BTD: variants seen among roughly 807,000 people sequenced by gnomAD.
BTD encodes the protein biocytinase.
BTD carries 13 observed loss-of-function variants against 17.7 expected under a neutral mutation model. The ratio of observed to expected loss-of-function variants is 0.74; its 90% CI spans 0.48 to 1.17. The LOEUF is 1.17. BTD is among the 50% of genes most tolerant of loss of function. The pLI is 0.00. For synonymous variants in BTD, 240 were observed against 245.2 expected (o/e 0.98, Z 0.20); for missense variants, 674 against 650.4 (o/e 1.04, Z -0.39).
At chr3:15,678,615 T>G (rs7612295) in intron 3 of BTD, among the ~76,000 whole-genome samples, 26,629 of 152,126 alleles carry the variant, frequency 0.18, 3,567 homozygotes, top group East Asian at 0.56. Flanking sequence ...AAAATAACAT[T>G]ACATCATTAA....
upstream of BTD, chr3:15,601,544 C>G: frequency 3.1e-6 from 5 of 1,605,136 alleles, no homozygotes; most frequent in Non-Finnish European, 4.2e-6. Flanking sequence ...AAATCGGCAG[C>G]ACGCCACCTC....
intron 3 of BTD, chr3:15,642,345 C>G (rs1288557481): frequency 8.9e-7 from 1 of 1,117,712 alleles, no homozygotes; most frequent in African/African-American, 1.6e-5. Context: ...TTCATCTTCA[C>G]CACAGCCTGC....
At chr3:15,618,716 G>A (rs758681458) in intron 1 of BTD, among the ~76,000 whole-genome samples, 11 of 152,164 alleles carry the variant, frequency 7.2e-5, no homozygotes, top group Middle Eastern at 3.4e-3. Context: ...TCATAGAGAT[G>A]GGGTTTCACC....
chr3:15,712,014 A>G, exon 4 of BTD: 1 of 742,994 alleles, frequency 1.3e-6, no homozygotes, highest in South Asian at 1.8e-5. Flanking sequence ...ACACGTTCTA[A>G]AAGGGGTTAT....
rs1202684298 is a variant in BTD at position 15,648,851 on chromosome 3, G to C, written c.*3363G>C. Reference sequence around the variant, plus strand: ...AGAGGAGAAGACACACACACAGGGAGAAGATGACCATGTGACAACAGGGGC... The same window carrying C: ...AGAGGAGAAGACACACACACAGGGACAAGATGACCATGTGACAACAGGGGC... On this transcript the variant is annotated 3_prime_UTR_variant, in exon 4 of 4. Coordinates refer to ENST00000643237, the MANE Select transcript of BTD (RefSeq NM_001370658.1). Among the ~76,000 whole-genome samples, 2 of 151,236 alleles carry C rather than the reference G, an allele frequency of 1.3e-5. No homozygotes were observed. Among genetic ancestry groups the C allele is most frequent in the East Asian group, 2.0e-4 (1 of 5,060 alleles).
At chr3:15,612,522 T>A (rs1045755622) in intron 1 of BTD, among the ~76,000 whole-genome samples, 8 of 152,206 alleles carry the variant, frequency 5.3e-5, no homozygotes, top group African/African-American at 1.9e-4. Flanking sequence ...TTTATTTAGC[T>A]TCCCAAATGA....
chr3:15,619,893 T>C, intron 1 of BTD, among the ~76,000 whole-genome samples: 1 of 152,134 alleles, frequency 6.6e-6, no homozygotes, highest in Non-Finnish European at 1.5e-5. Context: ...GACCAGCAAG[T>C]TTTTATTAAG....
intron 3 of BTD, among the ~76,000 whole-genome samples, chr3:15,690,657 TG>T (rs1305350619): frequency 6.6e-6 from 1 of 152,176 alleles, no homozygotes; most frequent in Non-Finnish European, 1.5e-5. Context: ...CTTGACCTTC[TG>T]GGCTTAAGTG....
chr3:15,629,994 T>C, intron 1 of BTD: 2 of 977,020 alleles, frequency 2.0e-6, no homozygotes, highest in South Asian at 9.5e-5. Flanking sequence ...GTAGATCCCT[T>C]AATTCAGACA....
intron 1 of BTD, among the ~76,000 whole-genome samples, chr3:15,625,105 T>G (rs2065035499): frequency 6.6e-6 from 1 of 152,244 alleles, no homozygotes; most frequent in African/African-American, 2.4e-5. Context: ...TGTTGGAAGT[T>G]GGACTCGATG....
At chr3:15,614,270 T>G (rs1243817460) in intron 1 of BTD, among the ~76,000 whole-genome samples, 1 of 151,994 alleles carries the variant, frequency 6.6e-6, no homozygotes, top group Admixed American at 6.6e-5. Flanking sequence ...ACCGCAGGTG[T>G]ACACCACCAT....
Position 15,651,633 on chromosome 3 carries a change from C to A in BTD, c.*6145C>A, listed in dbSNP as rs2065806019. Among the ~76,000 whole-genome samples, 1 of 152,214 alleles carries A rather than the reference C, an allele frequency of 6.6e-6. No individual in the cohort carries two copies. The highest frequency in any genetic ancestry group is 1.5e-5 in the Non-Finnish European group (1 of 68,032). On this transcript the variant is annotated 3_prime_UTR_variant, in exon 4 of 4. Coordinates refer to ENST00000643237, the MANE Select transcript of BTD (RefSeq NM_001370658.1). ...TATCCTGTCTCCTCTCTCTTCTCCGCTCCTGACTCCTGCTGCGGCCTCCCA... is the reference window on the plus strand; with the variant it reads ...TATCCTGTCTCCTCTCTCTTCTCCGATCCTGACTCCTGCTGCGGCCTCCCA...
intron 4 of BTD, chr3:15,721,215 C>A: frequency 2.8e-6 from 3 of 1,066,212 alleles, no homozygotes; most frequent in Non-Finnish European, 4.2e-6. Flanking sequence ...TGGTTGCAAT[C>A]AAATTACTAA....
intron 3 of BTD, chr3:15,675,970 G>A: frequency 6.2e-7 from 1 of 1,612,446 alleles, no homozygotes. Flanking sequence ...AGCCCATTTC[G>A]GGCAGCAACA....
At chr3:15,718,388 C>T (rs1350023029) in intron 4 of BTD, among the ~76,000 whole-genome samples, 2 of 152,146 alleles carry the variant, frequency 1.3e-5, no homozygotes, top group African/African-American at 4.8e-5. Flanking sequence ...ATTCACTTGT[C>T]ATATATGAAA....
At position 15,653,317 on chromosome 3, in the gene BTD, A is replaced by G. The variant is rs2065835557; in HGVS notation, c.*7829A>G. ...TACCAAAGCAGGTGCACGGGTCTTA[A>G]TCATCACCTCAGTCCTCTGAAACAG... is the stretch of plus-strand genomic sequence containing the variant. On this transcript the variant is annotated 3_prime_UTR_variant, in exon 4 of 4. Coordinates refer to ENST00000643237, the MANE Select transcript of BTD (RefSeq NM_001370658.1). Among the ~76,000 whole-genome samples the G allele has an allele frequency of 6.6e-6, 1 of 152,266 alleles. No homozygotes were observed. Among genetic ancestry groups the G allele is most frequent in the Non-Finnish European group, 1.5e-5 (1 of 68,054 alleles).
At chr3:15,685,251 C>T (rs1194479933) in intron 3 of BTD, 48 of 1,613,810 alleles carry the variant, frequency 3.0e-5, no homozygotes, top group Non-Finnish European at 3.9e-5. Flanking sequence ...AGTGAAGTGC[C>T]GTATATCCAT....
chr3:15,671,300 G>C (rs915421879), intron 3 of BTD, among the ~76,000 whole-genome samples: 3 of 152,144 alleles, frequency 2.0e-5, no homozygotes, highest in African/African-American at 7.2e-5. Flanking sequence ...ACCTCAGTTG[G>C]TACAAGACTC....
At position 15,651,921 on chromosome 3, in the gene BTD, C is replaced by G. The variant is rs2065811423; in HGVS notation, c.*6433C>G. The stretch of plus-strand genomic sequence containing the variant: ...AGTCTCAAGATTAGCCCCCAGTGCT[C>G]CCCACCTGCTGGTATCCGTTGTACA... On this transcript the variant is annotated 3_prime_UTR_variant, in exon 4 of 4. Transcript: ENST00000643237. Among the ~76,000 whole-genome samples the G allele has an allele frequency of 1.3e-5, 2 of 152,214 alleles. No individual in the cohort carries two copies. Among genetic ancestry groups the G allele is most frequent in the Admixed American group, 1.3e-4 (2 of 15,286 alleles).
Sources: allele counts gnomAD v4.1 joint callset (sites outside exome capture counted in the v4.1 genomes callset), GRCh38; gene constraint gnomAD v4.1.1; transcripts MANE v1.5; gene names NCBI Gene and HGNC (gene_info 2026-07-23, HGNC 2026-07-21).